Variants in LAD1 observed in about 807,000 individuals in gnomAD.
The protein encoded by LAD1 is ladinin 1, also known as ladinin-1.
A neutral mutation model predicts 54.2 loss-of-function variants in LAD1; 53 were observed. That is an observed-to-expected ratio of 0.98 (90% CI 0.78 to 1.23). The LOEUF is 1.23. Ranked by LOEUF, LAD1 falls within the 50% of genes most tolerant of loss-of-function variation. The probability of loss-of-function intolerance (pLI) is 0.00; values close to 1 mark genes in which losing one functional copy is unlikely to be tolerated. For synonymous variants in LAD1, 231 were observed against 257.7 expected, an observed-to-expected ratio of 0.90 and a Z score of 0.99; for missense variants, 637 against 653.3, an observed-to-expected ratio of 0.98 and a Z score of 0.27.
rs191819524 is a variant in LAD1, at chr1:201,384,164, G to T, written c.1175+628C>A. Among the ~76,000 whole-genome samples, 436 of 152,228 alleles carry T rather than the reference G, an allele frequency of 2.9e-3. 1 individual carries two copies. Among genetic ancestry groups the T allele is most frequent in the Middle Eastern group, 0.01 (3 of 294 alleles). ...GGTGGGTGTGAGTTGCTTGAGGACA[G>T]CAGCTGTGTCATTTGTCTTTGTACT... is the stretch of plus-strand genomic sequence containing the variant. On this transcript the variant is annotated intron_variant, in intron 5 of 9. Coordinates refer to ENST00000391967, the MANE Select transcript of LAD1 (RefSeq NM_005558.4).
rs1662023003 is a variant in LAD1 at position 201,383,973 on chromosome 1, T to C, written c.1176-584A>G. ...CATGAGCAAACTTCCTGCTAGTTCA[T>C]GGAAAATCAATTGCTCCATGACACC... On this transcript the variant is annotated intron_variant, in intron 5 of 9. Transcript: ENST00000391967. Among the ~76,000 whole-genome samples the C allele has an allele frequency of 1.3e-5, 2 of 152,238 alleles. 1 individual carries two copies. Among genetic ancestry groups the C allele is most frequent in the South Asian group, 4.1e-4 (2 of 4,834 alleles).
In LAD1 at chr1:201,393,352, T is replaced by A. The variant is rs148502208; in HGVS notation, c.39-4049A>T. On this transcript the variant is annotated intron_variant, in intron 1 of 9. Coordinates refer to ENST00000391967, the MANE Select transcript of LAD1 (RefSeq NM_005558.4). Reference sequence around the variant, plus strand: ...CACCAGATACCACAGGAAAAGCAGATGCCAGGGCTGTACCAGAGCCTGAGC... The same window carrying A: ...CACCAGATACCACAGGAAAAGCAGAAGCCAGGGCTGTACCAGAGCCTGAGC... 8.3e-4 allele frequency among the ~76,000 whole-genome samples: 126 copies of A among 152,270 alleles called. 1 individual carries two copies. Among genetic ancestry groups the A allele is most frequent in the Non-Finnish European group, 1.6e-3 (110 of 68,022 alleles).
rs1662100971 is a variant in LAD1 at position 201,386,884 on chromosome 1, C to G, written c.477G>C (p.Glu159Asp). ...CTTCTGGCTCCCTGCCCACCAAGCTCTCCTCCTCCAGGGCCCAGGGGCCCC... is the reference window on the plus strand; with the variant it reads ...CTTCTGGCTCCCTGCCCACCAAGCTGTCCTCCTCCAGGGCCCAGGGGCCCC... ...EQRGPWALEE[E>D]SLVGREPEER... The change falls in exon 3 of 10, where the codon GAG becomes GAC. Residue 159 changes from glutamate (E) to aspartate (D), a missense_variant. Physicochemically the swap from Glu to Asp is conservative, Grantham distance 45. Coordinates refer to ENST00000391967, the MANE Select transcript of LAD1 (RefSeq NM_005558.4). The G allele has an allele frequency of 8.7e-6, 14 of 1,613,920 alleles. No individual in the cohort carries two copies. Among genetic ancestry groups the G allele is most frequent in the Non-Finnish European group, 1.2e-5 (14 of 1,180,032 alleles).
At chr1:201,391,350 C>T (rs1192360439) in intron 1 of LAD1, among the ~76,000 whole-genome samples, 2 of 152,192 alleles carry the variant, frequency 1.3e-5, no homozygotes, top group African/African-American at 2.4e-5. Flanking sequence ...ATCTACTACT[C>T]GCCCACACAT....
chr1:201,382,283 C>A lies in LAD1; in HGVS notation c.1517G>T (p.Gly506Val). The A allele has an allele frequency of 6.2e-7, 1 of 1,613,846 alleles. No homozygotes were observed. The highest frequency in any genetic ancestry group is 1.7e-5 in the Admixed American group (1 of 60,024). ...GTCCAGCGAGGAGTCAGATTTCTGT[C>A]CCCACTGAGTCCTCTCGGTTGCAGA... is the stretch of plus-strand genomic sequence containing the variant. ...ASSATERTQW[G>V]QKSDSSLDAE... Residue 506 changes from glycine to valine, a missense_variant, in exon 9 of 10, where the codon GGA (glycine) becomes GTA (valine). Transcript: ENST00000391967.
intron 1 of LAD1, 76 bp downstream of exon 1, chr1:201,399,193 G>A: frequency 8.3e-7 from 1 of 1,210,754 alleles, no homozygotes; most frequent in Non-Finnish European, 1.2e-6. Context: ...CGGGGAGGAG[G>A]CCGGTGCCCC....
At position 201,382,718 on chromosome 1, in the gene LAD1, C is replaced by T. The variant is rs1194662619; in HGVS notation, c.1408G>A (p.Val470Ile). 5.6e-6 allele frequency: 9 copies of T among 1,606,134 alleles called. No individual in the cohort carries two copies. The highest frequency in any genetic ancestry group is 5.1e-5 in the Admixed American group (3 of 59,004). Residue 470 changes from valine to isoleucine, a missense_variant, in exon 8 of 10, where the codon GTT becomes ATT. Physicochemically the swap from Val to Ile is conservative, Grantham distance 29. Coordinates refer to ENST00000391967, the MANE Select transcript of LAD1 (RefSeq NM_005558.4). The stretch of plus-strand genomic sequence containing the variant: ...CACAGGTTGAGCCTTGATGTCACAA[C>T]CCCTGAGAGCCTCAAGTTCTCCTAA... ...SRKENLRLSGVVTSRLNLWIS... is the reference protein window; with the variant it reads ...SRKENLRLSGIVTSRLNLWIS...
At chr1:201,391,983 G>A (rs1452358532) in intron 1 of LAD1, among the ~76,000 whole-genome samples, 1 of 152,234 alleles carries the variant, frequency 6.6e-6, no homozygotes, top group East Asian at 1.9e-4. Flanking sequence ...GCCTCCTCTT[G>A]CCACTGCCAG....
At chr1:201,387,834 C>T (rs950354068) in intron 2 of LAD1, among the ~76,000 whole-genome samples, 1 of 152,190 alleles carries the variant, frequency 6.6e-6, no homozygotes, top group South Asian at 2.1e-4. Flanking sequence ...TGTCCATAAC[C>T]CACAGCACCT....
intron 1 of LAD1, among the ~76,000 whole-genome samples, chr1:201,389,762 C>T (rs1662165887): frequency 6.6e-6 from 1 of 151,814 alleles, no homozygotes; most frequent in African/African-American, 2.4e-5. Context: ...GCAGAGGTTG[C>T]AGTGAGTCGA....
intron 4 of LAD1, 76 bp from the exon 5 acceptor site, chr1:201,384,911 C>T (rs1009437975): frequency 3.0e-5 from 43 of 1,412,010 alleles, no homozygotes; most frequent in Non-Finnish European, 4.3e-5. Context: ...AGGAGCCCAG[C>T]TCTCAAGACA....
chr1:201,385,385 G>A (rs889357844), intron 4 of LAD1, among the ~76,000 whole-genome samples: 42 of 152,220 alleles, frequency 2.8e-4, no homozygotes, highest in Non-Finnish European at 8.8e-5. Flanking sequence ...CCTAGGTGAG[G>A]CCAGGAACTG....
intron 1 of LAD1, chr1:201,391,230 G>A (rs751396314): frequency 2.3e-6 from 1 of 441,582 alleles, no homozygotes; most frequent in South Asian, 1.6e-5. Flanking sequence ...CACTTCTCTG[G>A]GGAGCAAGGG....
intron 2 of LAD1, among the ~76,000 whole-genome samples, chr1:201,387,533 T>C (rs1453151785): frequency 6.6e-6 from 1 of 152,196 alleles, no homozygotes; most frequent in Non-Finnish European, 1.5e-5. Flanking sequence ...AGATCTTAGA[T>C]CAAGACTAGA....
chr1:201,381,726 CT>C lies in LAD1; in HGVS notation c.*161del, dbSNP rs1385440163. 1 of 792,220 alleles carries C rather than the reference CT, an allele frequency of 1.3e-6. No homozygotes were observed. The highest frequency in any genetic ancestry group is 2.2e-6 in the Non-Finnish European group (1 of 452,862). The allele number at this position is 792,220 out of a possible 1,614,324, so 49.1% of individuals were successfully genotyped here. A position where few individuals can be genotyped will look rare whatever the true frequency, so the allele number is the denominator to read the frequency against. Reference sequence around the variant, plus strand: ...TGGGCTGGGAAGGAGCTGGCTGAGTCTTGCAAATATTCCTGACCCCAGGGAC... The same window carrying C: ...TGGGCTGGGAAGGAGCTGGCTGAGTCTGCAAATATTCCTGACCCCAGGGAC... On this transcript the variant is annotated 3_prime_UTR_variant, in exon 10 of 10. Coordinates refer to ENST00000391967, the MANE Select transcript of LAD1 (RefSeq NM_005558.4).
intron 1 of LAD1, chr1:201,397,374 G>A (rs1662309468): frequency 6.6e-6 from 1 of 152,494 alleles, no homozygotes; most frequent in Non-Finnish European, 1.5e-5. Context: ...CCGGCAGGGA[G>A]GGCAGGCCAG....
intron 5 of LAD1, chr1:201,383,683 C>T: frequency 2.3e-6 from 1 of 430,868 alleles, no homozygotes. Flanking sequence ...TTCCGTCTTC[C>T]CCATCACAGC....
intron 1 of LAD1, among the ~76,000 whole-genome samples, chr1:201,390,429 C>A (rs976970760): frequency 6.6e-6 from 1 of 151,560 alleles, no homozygotes; most frequent in Non-Finnish European, 1.5e-5. Context: ...CCCAGCTACT[C>A]GGGAGGCTGA....
chr1:201,385,587 C>T (rs1662057607), intron 4 of LAD1, 114 bp downstream of exon 4: 1 of 796,560 alleles, frequency 1.3e-6, no homozygotes, highest in African/African-American at 1.7e-5. Flanking sequence ...TCCAAAGCTC[C>T]TCTCTATCCA....
Sources: allele counts gnomAD v4.1 joint callset (sites outside exome capture counted in the v4.1 genomes callset), GRCh38; gene constraint gnomAD v4.1.1; transcripts MANE v1.5; gene names NCBI Gene and HGNC (gene_info 2026-07-23, HGNC 2026-07-21).